The following TRPC4 variants were observed in gnomAD, a reference collection of about 807,000 sequenced individuals.
TRPC4 encodes the protein short transient receptor potential channel 4.
Under a neutral mutation model 99.4 loss-of-function variants are expected in TRPC4, and 49 were observed. That is an observed-to-expected ratio of 0.49 (90% confidence interval 0.39 to 0.63). The LOEUF is 0.63. Ranked by LOEUF, TRPC4 falls within the 20% of genes least tolerant of loss-of-function variation. TRPC4 has a pLI of 0.00. For missense variants in TRPC4, 898 were observed against 1,152.9 expected, an observed-to-expected ratio of 0.78 and a Z score of 3.20; for synonymous variants, 454 against 425.9, an observed-to-expected ratio of 1.07 and a Z score of -0.81.
chr13:37,731,472 TA>T (rs1241294827), intron 3 of TRPC4, among the ~76,000 whole-genome samples: 2 of 151,868 alleles, frequency 1.3e-5, no homozygotes, highest in African/African-American at 4.8e-5. Context: ...GAAGAAATGA[TA>T]AAACATAAGT....
chr13:37,638,596 T>C (rs1951608184), intron 10 of TRPC4, among the ~76,000 whole-genome samples: 2 of 152,278 alleles, frequency 1.3e-5, no homozygotes, highest in South Asian at 4.1e-4. Flanking sequence ...ACTTATTTCC[T>C]CTTACACAAT....
chr13:37,698,167 C>CTTTTTTTTTTTTTTTTTTTT (rs67611413), intron 3 of TRPC4, among the ~76,000 whole-genome samples: 10,526 of 42,274 alleles, frequency 0.25, 4,236 homozygotes, highest in Non-Finnish European at 0.29. Context: ...AAGGACTAAC[C>CTTTTTTTTTTTTTTTTTTTT]TTTTTTTTTT....
At chr13:37,867,831 T>C (rs1268884053) in intron 1 of TRPC4, among the ~76,000 whole-genome samples, 1 of 152,152 alleles carries the variant, frequency 6.6e-6, no homozygotes, top group Non-Finnish European at 1.5e-5. Flanking sequence ...TTTTAATATT[T>C]ATTTAGCTTT....
chr13:37,783,238 T>C lies in TRPC4; in HGVS notation c.96A>G (p.Ser32=), dbSNP rs1566168048. 1 of 1,613,608 alleles carries C rather than the reference T, an allele frequency of 6.2e-7. No individual in the cohort carries two copies. Among genetic ancestry groups the C allele is most frequent in the Non-Finnish European group, 8.5e-7 (1 of 1,179,778 alleles). Residue 32 remains serine (S), a synonymous_variant, in exon 2 of 11, where the codon TCA becomes TCG. Transcript: ENST00000379705. ...IVRAESELSP[S]EKAYLNAVEK... ...CCACAGCATTCAAGTAGGCTTTTTC[T>C]GATGGCGAGAGTTCTGATTCTGCTC...
At chr13:37,650,645 A>G (rs1952017574) in intron 8 of TRPC4, among the ~76,000 whole-genome samples, 1 of 151,752 alleles carries the variant, frequency 6.6e-6, no homozygotes, top group Non-Finnish European at 1.5e-5. Flanking sequence ...ATATATATAT[A>G]TTTAGATGCC....
intron 4 of TRPC4, among the ~76,000 whole-genome samples, chr13:37,680,361 C>T (rs1243497971): frequency 6.6e-6 from 1 of 152,294 alleles, no homozygotes; most frequent in East Asian, 1.9e-4. Context: ...GGTGATCAAG[C>T]GGCCAGGCTC....
chr13:37,722,226 T>A (rs767030938), intron 3 of TRPC4, among the ~76,000 whole-genome samples: 1 of 152,126 alleles, frequency 6.6e-6, no homozygotes, highest in Non-Finnish European at 1.5e-5. Context: ...TCTATTATAT[T>A]TTACTCTTCC....
At chr13:37,701,456 A>G (rs1320904150) in intron 3 of TRPC4, among the ~76,000 whole-genome samples, 2 of 151,972 alleles carry the variant, frequency 1.3e-5, no homozygotes, top group Non-Finnish European at 2.9e-5. Flanking sequence ...TTTTTTAAAC[A>G]GCCTAAGTTA....
chr13:37,808,215 T>C (rs906740396), intron 1 of TRPC4, among the ~76,000 whole-genome samples: 1 of 152,060 alleles, frequency 6.6e-6, no homozygotes, highest in Non-Finnish European at 1.5e-5. Flanking sequence ...AAAGCCATGG[T>C]TCTTTAGAAG....
chr13:37,842,966 G>A (rs12874874), intron 1 of TRPC4, among the ~76,000 whole-genome samples: 31,478 of 152,132 alleles, frequency 0.21, 3,367 homozygotes, highest in African/African-American at 0.25. Context: ...TTAAAAGCTT[G>A]GAAACAAGAT....
chr13:37,691,097 A>AT (rs1953682858), intron 4 of TRPC4, among the ~76,000 whole-genome samples: 1 of 151,888 alleles, frequency 6.6e-6, no homozygotes, highest in Admixed American at 6.6e-5. Flanking sequence ...CACTAGCTAC[A>AT]TTTTTTTCCT....
rs1261605886 is a variant in TRPC4 at position 37,634,497 on chromosome 13, A to G, written c.*2406T>C. On this transcript the variant is annotated 3_prime_UTR_variant, in exon 11 of 11. Transcript: ENST00000379705. Reference sequence around the variant, plus strand: ...GGAGGGTCTTACTTGCTCCAAATACATTCCTCTATTACCATCATGTCCCCC... The same window carrying G: ...GGAGGGTCTTACTTGCTCCAAATACGTTCCTCTATTACCATCATGTCCCCC... Among the ~76,000 whole-genome samples, 1 of 151,980 alleles carries G rather than the reference A, an allele frequency of 6.6e-6. No individual in the cohort carries two copies. Among genetic ancestry groups the G allele is most frequent in the Non-Finnish European group, 1.5e-5 (1 of 67,970 alleles).
At chr13:37,666,481 C>T (rs1161159856) in intron 5 of TRPC4, among the ~76,000 whole-genome samples, 1 of 152,156 alleles carries the variant, frequency 6.6e-6, no homozygotes, top group East Asian at 1.9e-4. Flanking sequence ...TTTTATTCTT[C>T]TTAAATTTTG....
intron 2 of TRPC4, among the ~76,000 whole-genome samples, chr13:37,757,346 T>C (rs1312754823): frequency 6.6e-6 from 1 of 151,994 alleles, no homozygotes; most frequent in Non-Finnish European, 1.5e-5. Context: ...ACTAAAGATA[T>C]AATTTTTCCC....
At chr13:37,764,195 C>T (rs1210136721) in intron 2 of TRPC4, among the ~76,000 whole-genome samples, 1 of 151,232 alleles carries the variant, frequency 6.6e-6, no homozygotes, top group Non-Finnish European at 1.5e-5. Flanking sequence ...AATGAAGGGG[C>T]TTTCAATAAA....
chr13:37,814,747 C>T (rs1402434640), intron 1 of TRPC4, among the ~76,000 whole-genome samples: 1 of 151,582 alleles, frequency 6.6e-6, no homozygotes, highest in Non-Finnish European at 1.5e-5. Context: ...GTAAAAATGA[C>T]ACTAATCATC....
intron 1 of TRPC4, among the ~76,000 whole-genome samples, chr13:37,801,990 G>C (rs1329574005): frequency 2.6e-5 from 4 of 152,102 alleles, no homozygotes; most frequent in African/African-American, 9.6e-5. Flanking sequence ...AATCAATGAA[G>C]ATAATTCTAT....
intron 2 of TRPC4, among the ~76,000 whole-genome samples, chr13:37,782,479 C>T (rs1956865839): frequency 6.6e-6 from 1 of 151,916 alleles, no homozygotes; most frequent in Non-Finnish European, 1.5e-5. Context: ...AGGATAATAT[C>T]AAAATTAGAT....
intron 1 of TRPC4, among the ~76,000 whole-genome samples, chr13:37,844,493 C>T (rs1236822986): frequency 2.0e-5 from 3 of 152,042 alleles, no homozygotes; most frequent in African/African-American, 7.2e-5. Context: ...CAGGGTTTTG[C>T]CATGTTGGTC....
Sources: gnomAD v4.1 joint callset for allele counts (sites outside exome capture counted in the v4.1 genomes callset) on GRCh38, gnomAD v4.1.1 for gene constraint, MANE v1.5 for transcripts, NCBI Gene and HGNC (gene_info 2026-07-23, HGNC 2026-07-21) for gene names.